SLC13A4: variants seen among roughly 807,000 people sequenced by gnomAD.
SLC13A4 encodes the protein Na(+)/sulfate cotransporter SUT-1.
A neutral mutation model predicts 72.7 loss-of-function variants in SLC13A4; 28 were observed. The observed-to-expected ratio is 0.39, with a 90% confidence interval of 0.29 to 0.53. The LOEUF is 0.53. Among genes scored for constraint, SLC13A4 ranks in the 20% least tolerant of loss-of-function variants. The probability of loss-of-function intolerance (pLI) is 0.78; values close to 1 mark genes in which losing one functional copy is unlikely to be tolerated. For missense variants in SLC13A4, 653 were observed against 788.0 expected, an observed-to-expected ratio of 0.83 and a Z score of 2.05; for synonymous variants, 312 against 325.5, an observed-to-expected ratio of 0.96 and a Z score of 0.45.
intron 14 of SLC13A4, among the ~76,000 whole-genome samples, chr7:135,684,957 C>G (rs1224980516): frequency 6.6e-6 from 1 of 152,182 alleles, no homozygotes; most frequent in African/African-American, 2.4e-5. Flanking sequence ...AGGCTAAGAT[C>G]TGGCCGTTGC....
chr7:135,725,005 G>T (rs62489509), intron 1 of SLC13A4, among the ~76,000 whole-genome samples: 9,375 of 152,242 alleles, frequency 0.062, 407 homozygotes, highest in African/African-American at 0.11. Context: ...TGGCTGTCAG[G>T]TCTCGCTCAT....
rs774930615 is a variant in SLC13A4 at position 135,727,676 on chromosome 7, C to T, written c.-180G>A. 3.0e-6 allele frequency: 2 copies of T among 665,576 alleles called. No individual in the cohort carries two copies. Among genetic ancestry groups the T allele is most frequent in the East Asian group, 2.9e-5 (1 of 34,442 alleles). The allele number at this position is 665,576 out of a possible 1,614,324, so 41.2% of individuals were successfully genotyped here. ...ATACCCTCGCTGTTTCTACAAGAGGCTGGGCTCCTGGCCTCCTGCTTTAGG... is the reference window on the plus strand; with the variant it reads ...ATACCCTCGCTGTTTCTACAAGAGGTTGGGCTCCTGGCCTCCTGCTTTAGG... On this transcript the variant is annotated 5_prime_UTR_variant, in exon 1 of 16. Transcript: ENST00000682651.
chr7:135,710,449 G>A (rs764644663), intron 2 of SLC13A4, among the ~76,000 whole-genome samples: 17 of 152,138 alleles, frequency 1.1e-4, no homozygotes, highest in Non-Finnish European at 2.4e-4. Context: ...ATAACAAGAA[G>A]TCAACTGATA....
At chr7:135,705,789 A>G (rs2129494766) in intron 4 of SLC13A4, 139 bp from the exon 5 acceptor site, 1 of 735,730 alleles carries the variant, frequency 1.4e-6, no homozygotes, top group East Asian at 2.6e-5. Flanking sequence ...TGCTCTGTAA[A>G]TAGAATGGGG....
At chr7:135,684,045 C>A in intron 15 of SLC13A4, 79 bp downstream of exon 15, 1 of 1,458,770 alleles carries the variant, frequency 6.9e-7, no homozygotes, top group Non-Finnish European at 9.2e-7. Context: ...ACAAAATAAG[C>A]TTTGAAAGAA....
intron 12 of SLC13A4, 57 bp downstream of exon 12, chr7:135,691,491 A>G (rs924959635): frequency 9.1e-6 from 14 of 1,530,540 alleles, no homozygotes; most frequent in Non-Finnish European, 1.1e-5. Flanking sequence ...TGGGAGTATT[A>G]GTCTGATTTG....
intron 2 of SLC13A4, among the ~76,000 whole-genome samples, chr7:135,719,263 GGCAACATCTCTACTGT>G (rs1401372664): frequency 1.3e-5 from 2 of 152,298 alleles, no homozygotes; most frequent in East Asian, 3.9e-4. Context: ...ACTGTTGCCT[GGCAACATCTCTACTGT>G]GCCCTTGGAG....
intron 11 of SLC13A4, 80 bp from the exon 12 acceptor site, chr7:135,691,725 G>T (rs1795791834): frequency 3.2e-6 from 3 of 942,114 alleles, no homozygotes; most frequent in South Asian, 2.9e-5. Context: ...CAGTCTGTCC[G>T]AACACAGTGC....
At chr7:135,687,971 C>G (rs1017277439) in intron 13 of SLC13A4, among the ~76,000 whole-genome samples, 1 of 151,524 alleles carries the variant, frequency 6.6e-6, no homozygotes, top group Non-Finnish European at 1.5e-5. Flanking sequence ...CCACCATCCC[C>G]GGCTAAATTT....
chr7:135,708,267 C>T lies in SLC13A4; in HGVS notation c.229-17G>A, dbSNP rs771177550. ...CGCCGCCACCTGTAGGGAGGCCAGG[C>T]ATGTCAGTCACCCTCCCGGACCAAA... is the stretch of plus-strand genomic sequence containing the variant. On this transcript the variant is annotated splice_polypyrimidine_tract_variant and intron_variant, in intron 2 of 15. Coordinates refer to ENST00000682651, the MANE Select transcript of SLC13A4 (RefSeq NM_001318192.2). 2 of 1,613,916 alleles carry T rather than the reference C, an allele frequency of 1.2e-6. No individual in the cohort carries two copies. The highest frequency in any genetic ancestry group is 2.2e-5 in the East Asian group (1 of 44,872).
intron 1 of SLC13A4, 101 bp from the exon 2 acceptor site, chr7:135,721,624 C>T (rs1316318445): frequency 5.4e-6 from 8 of 1,477,040 alleles, no homozygotes; most frequent in East Asian, 4.8e-5. Flanking sequence ...CAGACTGTAA[C>T]GCGGGTACTA....
At chr7:135,690,124 T>C (rs1361027946) in intron 13 of SLC13A4, among the ~76,000 whole-genome samples, 5 of 129,342 alleles carry the variant, frequency 3.9e-5, no homozygotes, top group African/African-American at 1.5e-4. Flanking sequence ...GGGGTTGCAG[T>C]GAGCAGAGAT....
At chr7:135,715,418 T>C (rs1796409349) in intron 2 of SLC13A4, among the ~76,000 whole-genome samples, 1 of 75,132 alleles carries the variant, frequency 1.3e-5, no homozygotes, top group African/African-American at 6.2e-5. Flanking sequence ...AGTGTGTGTA[T>C]GAGTGTGTGA....
intron 2 of SLC13A4, among the ~76,000 whole-genome samples, chr7:135,710,560 CTG>C (rs1796277348): frequency 6.8e-6 from 1 of 146,230 alleles, no homozygotes; most frequent in South Asian, 2.2e-4. Context: ...GTTATTGACT[CTG>C]AGGGTGGGGT....
In SLC13A4 at chr7:135,710,905, C is replaced by A. The variant is rs545600052; in HGVS notation, c.229-2655G>T. On this transcript the variant is annotated intron_variant, in intron 2 of 15. Transcript: ENST00000682651. ...AGCGGACTACTGTCACGAATGCCCCCTGGGGGCAGGGAAGGCCCCCTGCTC... is the reference window on the plus strand; with the variant it reads ...AGCGGACTACTGTCACGAATGCCCCATGGGGGCAGGGAAGGCCCCCTGCTC... Among the ~76,000 whole-genome samples the A allele has an allele frequency of 1.4e-4, 19 of 137,772 alleles. No homozygotes were observed. In the Admixed American group the frequency reaches 1.5e-3, roughly 11 times the overall value. The allele number at this position is 137,772 out of a possible 152,430, so 90.4% of individuals were successfully genotyped here.
intron 2 of SLC13A4, among the ~76,000 whole-genome samples, chr7:135,710,932 G>T (rs898057604): frequency 6.8e-6 from 1 of 146,740 alleles, no homozygotes; most frequent in Non-Finnish European, 1.5e-5. Flanking sequence ...CCCCTGCTCT[G>T]GACAGCTTGT....
intron 1 of SLC13A4, among the ~76,000 whole-genome samples, chr7:135,726,514 G>T (rs994745855): frequency 7.2e-5 from 11 of 152,170 alleles, no homozygotes; most frequent in Non-Finnish European, 1.3e-4. Context: ...AAAGTCTCCA[G>T]GGCAGTGCCA....
At chr7:135,697,634 T>G (rs1795933663) in intron 8 of SLC13A4, among the ~76,000 whole-genome samples, 1 of 151,066 alleles carries the variant, frequency 6.6e-6, no homozygotes, top group Non-Finnish European at 1.5e-5. Flanking sequence ...TTCAAAACTA[T>G]AAATCTGACC....
chr7:135,719,812 T>C (rs997534760), intron 2 of SLC13A4, among the ~76,000 whole-genome samples: 8 of 129,352 alleles, frequency 6.2e-5, no homozygotes, highest in African/African-American at 3.5e-4. Flanking sequence ...TATGTGTGTG[T>C]GTGTGTGTGT....
Sources: gnomAD v4.1 joint callset for allele counts (sites outside exome capture counted in the v4.1 genomes callset) on GRCh38, gnomAD v4.1.1 for gene constraint, MANE v1.5 for transcripts, NCBI Gene and HGNC (gene_info 2026-07-23, HGNC 2026-07-21) for gene names.